The following SLC35F3 variants were observed in gnomAD, a reference collection of about 807,000 sequenced individuals.
SLC35F3 encodes putative thiamine transporter SLC35F3.
A neutral mutation model predicts 49.9 loss-of-function variants in SLC35F3; 25 were observed. The observed-to-expected ratio is 0.50, with a 90% CI of 0.37 to 0.70. The LOEUF (loss-of-function observed/expected upper bound fraction) is 0.70. Ranked by LOEUF, SLC35F3 falls within the 30% of genes least tolerant of loss-of-function variation. The pLI, the probability that SLC35F3 is intolerant of heterozygous loss-of-function variation, is 0.00. For missense variants in SLC35F3, 525 were observed against 639.8 expected, an observed-to-expected ratio of 0.82 and a Z score of 1.94; for synonymous variants, 275 against 265.4, an observed-to-expected ratio of 1.04 and a Z score of -0.35.
chr1:234,259,633 C>T (rs1228738867), intron 3 of SLC35F3, among the ~76,000 whole-genome samples: 1 of 151,784 alleles, frequency 6.6e-6, no homozygotes, highest in Non-Finnish European at 1.5e-5. Context: ...GAGATCGTGC[C>T]GCTGCACTCC....
rs567471257 is a variant in SLC35F3 at position 234,038,927 on chromosome 1, T to G, written c.283+133169T>G. Among the ~76,000 whole-genome samples, 5 of 152,236 alleles carry G rather than the reference T, an allele frequency of 3.3e-5. No homozygotes were observed. The East Asian group carries it at 9.7e-4, about 29-fold the overall frequency. On this transcript the variant is annotated intron_variant, in intron 2 of 7. Transcript: ENST00000366618. ...GACTGGGAAAATGGAAAAGGAGAAT[T>G]TCAATCCTGAGATGAGGAAGATTAA...
chr1:233,939,079 A>G (rs773117002), intron 2 of SLC35F3, among the ~76,000 whole-genome samples: 1 of 152,174 alleles, frequency 6.6e-6, no homozygotes, highest in Non-Finnish European at 1.5e-5. Context: ...AAGATCTGCA[A>G]GTGGTAGTCA....
chr1:234,236,924 A>ATT (rs1186317259), intron 3 of SLC35F3, among the ~76,000 whole-genome samples: 5 of 16,258 alleles, frequency 3.1e-4, no homozygotes, highest in East Asian at 1.8e-3. Flanking sequence ...TAAAAAAAAA[A>ATT]TTATATATAT....
chr1:234,132,110 A>G (rs1044368154), intron 2 of SLC35F3, among the ~76,000 whole-genome samples: 1 of 152,204 alleles, frequency 6.6e-6, no homozygotes, highest in Non-Finnish European at 1.5e-5. Flanking sequence ...AACTTACTTC[A>G]TCTAACAAGA....
At position 234,250,186 on chromosome 1, in the gene SLC35F3, C is replaced by A. The variant is rs538468601; in HGVS notation, c.608+18445C>A. Reference sequence around the variant, plus strand: ...AATAAGAGATAGATGGAACTGTGAGCTAAAAAGAGATACAATATGTGGACA... The same window carrying A: ...AATAAGAGATAGATGGAACTGTGAGATAAAAAGAGATACAATATGTGGACA... On this transcript the variant is annotated intron_variant, in intron 3 of 7. Coordinates refer to ENST00000366618, the MANE Select transcript of SLC35F3 (RefSeq NM_173508.4). 2.0e-5 allele frequency among the ~76,000 whole-genome samples: 3 copies of A among 152,266 alleles called. No homozygotes were observed. In the East Asian group the frequency reaches 5.8e-4, roughly 29 times the overall value.
intron 2 of SLC35F3, among the ~76,000 whole-genome samples, chr1:234,032,928 A>G (rs1259662484): frequency 6.6e-6 from 1 of 152,124 alleles, no homozygotes; most frequent in Non-Finnish European, 1.5e-5. Flanking sequence ...TTATTTCTTT[A>G]AGGAATCCCC....
chr1:234,096,097 C>G (rs1665113068), intron 2 of SLC35F3, among the ~76,000 whole-genome samples: 1 of 152,158 alleles, frequency 6.6e-6, no homozygotes, highest in Non-Finnish European at 1.5e-5. Context: ...TTTCAAGCAC[C>G]TTTTCTTCTT....
chr1:234,183,710 G>C (rs978594529), intron 2 of SLC35F3, among the ~76,000 whole-genome samples: 1 of 142,922 alleles, frequency 7.0e-6, no homozygotes, highest in Non-Finnish European at 1.5e-5. Context: ...AAGCTGTACA[G>C]TGTGGCTCCC....
rs1046592213 is a variant in SLC35F3 at position 233,957,681 on chromosome 1, G to C, written c.283+51923G>C. Reference sequence around the variant, plus strand: ...AGTACAAAAATTAGTTAGGCATGGTGGTGGGTGCCTGTACTCCCAGCTACT... The same window carrying C: ...AGTACAAAAATTAGTTAGGCATGGTCGTGGGTGCCTGTACTCCCAGCTACT... On this transcript the variant is annotated intron_variant, in intron 2 of 7. Transcript: ENST00000366618. The surrounding 1 kb of genome is among the most constrained non-coding windows in gnomAD (Gnocchi z 4.0). Among the ~76,000 whole-genome samples the C allele has an allele frequency of 4.6e-5, 7 of 152,106 alleles. No homozygotes were observed. The highest frequency in any genetic ancestry group is 1.7e-4 in the African/African-American group (7 of 41,422).
chr1:233,916,414 T>A (rs1210584671), intron 2 of SLC35F3, among the ~76,000 whole-genome samples: 4 of 152,180 alleles, frequency 2.6e-5, no homozygotes, highest in African/African-American at 9.6e-5. Flanking sequence ...ACTATAGGCT[T>A]GCACCACCAC....
intron 2 of SLC35F3, among the ~76,000 whole-genome samples, chr1:233,976,924 A>G (rs1184205940): frequency 6.6e-6 from 1 of 152,162 alleles, no homozygotes; most frequent in East Asian, 1.9e-4. Flanking sequence ...ACTCAATTTT[A>G]AAGAGAAGTT....
At chr1:233,973,900 C>T (rs1663033589) in intron 2 of SLC35F3, among the ~76,000 whole-genome samples, 1 of 152,104 alleles carries the variant, frequency 6.6e-6, no homozygotes. Context: ...TATTACTTAG[C>T]TAGTCAGAAG....
chr1:233,952,834 A>T (rs2102805944), intron 2 of SLC35F3, among the ~76,000 whole-genome samples: 1 of 152,248 alleles, frequency 6.6e-6, no homozygotes, highest in Admixed American at 6.5e-5. Context: ...GGAGTTGAGG[A>T]TTTTAACTCT....
At position 233,982,294 on chromosome 1, in the gene SLC35F3, G is replaced by A. The variant is rs1392424860; in HGVS notation, c.283+76536G>A. Among the ~76,000 whole-genome samples, 5 of 152,158 alleles carry A rather than the reference G, an allele frequency of 3.3e-5. No individual in the cohort carries two copies. In the South Asian group the frequency reaches 8.3e-4, roughly 25 times the overall value. On this transcript the variant is annotated intron_variant, in intron 2 of 7. Transcript: ENST00000366618. ...CCCTCTTTGGTGAACTGTACTATCA[G>A]TCCACGTCTTTTGTCCATTTTTAAA...
intron 2 of SLC35F3, among the ~76,000 whole-genome samples, chr1:234,057,178 G>A (rs917732210): frequency 6.6e-6 from 1 of 152,112 alleles, no homozygotes; most frequent in Non-Finnish European, 1.5e-5. Context: ...TAGAGTCTGT[G>A]TATTGATTTC....
chr1:234,028,691 A>C (rs1664013890), intron 2 of SLC35F3, among the ~76,000 whole-genome samples: 1 of 152,220 alleles, frequency 6.6e-6, no homozygotes, highest in African/African-American at 2.4e-5. Context: ...CTCTCTATAG[A>C]AAAGAGAGGT....
At chr1:234,217,344 T>C (rs1196376790) in intron 2 of SLC35F3, among the ~76,000 whole-genome samples, 4 of 152,240 alleles carry the variant, frequency 2.6e-5, no homozygotes, top group South Asian at 2.1e-4. Context: ...CTGTGACAAT[T>C]TAGCAAGGCC....
rs1300420699 is a variant in SLC35F3, at chr1:234,320,382, C to A, written c.1237+195C>A. On this transcript the variant is annotated intron_variant, in intron 7 of 7. Transcript: ENST00000366618. The surrounding 1 kb of genome is among the most constrained non-coding windows in gnomAD (Gnocchi z 4.8). Reference sequence around the variant, plus strand: ...TTATTGCTCTGCCTGCTATAGAATGCGTGTTTAACTGTCTGCCAAAAAAAA... The same window carrying A: ...TTATTGCTCTGCCTGCTATAGAATGAGTGTTTAACTGTCTGCCAAAAAAAA... 6.6e-6 allele frequency among the ~76,000 whole-genome samples: 1 copy of A among 151,670 alleles called. No individual in the cohort carries two copies. The highest frequency in any genetic ancestry group is 2.1e-4 in the South Asian group (1 of 4,800).
chr1:233,942,163 A>G (rs540589635), intron 2 of SLC35F3, among the ~76,000 whole-genome samples: 22 of 151,820 alleles, frequency 1.4e-4, no homozygotes, highest in African/African-American at 4.8e-4. Flanking sequence ...GGGTTTCACT[A>G]TGTTGGCCAG....
Sources: gnomAD v4.1 joint callset for allele counts (sites outside exome capture counted in the v4.1 genomes callset) on GRCh38, gnomAD v4.1.1 for gene constraint, Gnocchi (gnomAD v3.1) non-coding constraint, MANE v1.5 for transcripts, NCBI Gene and HGNC (gene_info 2026-07-23, HGNC 2026-07-21) for gene names.